The following CDKL4 variants were observed in gnomAD, a reference collection of about 807,000 sequenced individuals.
The protein encoded by CDKL4 is cyclin dependent kinase like 4.
In CDKL4, 44 loss-of-function variants were observed where a neutral mutation model predicts 42.0. That is an observed-to-expected ratio of 1.05 (90% CI 0.82 to 1.35). The LOEUF (loss-of-function observed/expected upper bound fraction) is 1.35, where lower values mean the gene tolerates loss of function less well. Among genes scored for constraint, CDKL4 ranks in the 40% most tolerant of loss-of-function variants. The pLI is 0.00. For missense variants in CDKL4, 393 were observed against 369.9 expected (o/e 1.06, Z -0.51); for synonymous variants, 120 against 121.6 (o/e 0.99, Z 0.09).
At chr2:39,238,682 T>C (rs1679492645) in intron 1 of CDKL4, among the ~76,000 whole-genome samples, 2 of 152,198 alleles carry the variant, frequency 1.3e-5, no homozygotes, top group African/African-American at 4.8e-5. Flanking sequence ...CATATATCAA[T>C]GAAACATAAT....
At chr2:39,212,685 G>A (rs537040679) in intron 4 of CDKL4, among the ~76,000 whole-genome samples, 53 of 150,656 alleles carry the variant, frequency 3.5e-4, no homozygotes, top group African/African-American at 1.3e-3. Flanking sequence ...TTGGAGACAG[G>A]GTCTCACTCT....
chr2:39,231,036 C>T (rs1445542228), intron 1 of CDKL4, among the ~76,000 whole-genome samples: 1 of 152,050 alleles, frequency 6.6e-6, no homozygotes. Context: ...ATGGTGAAAC[C>T]CTGTCTCTAC....
At chr2:39,185,847 T>A (rs1022277824) in intron 7 of CDKL4, among the ~76,000 whole-genome samples, 1 of 152,206 alleles carries the variant, frequency 6.6e-6, no homozygotes, top group Admixed American at 6.5e-5. Context: ...TTAATTTTCT[T>A]AATTTCACAA....
At chr2:39,233,572 C>T (rs1679192226) in intron 1 of CDKL4, among the ~76,000 whole-genome samples, 1 of 152,120 alleles carries the variant, frequency 6.6e-6, no homozygotes, top group Admixed American at 6.5e-5. Flanking sequence ...ACTACAGTGA[C>T]AGAAAACACT....
intron 9 of CDKL4, among the ~76,000 whole-genome samples, chr2:39,176,980 G>C (rs939767392): frequency 6.6e-6 from 1 of 152,094 alleles, no homozygotes; most frequent in African/African-American, 2.4e-5. Flanking sequence ...TTGAAGGAGA[G>C]AGCTGTTTAG....
intron 3 of CDKL4, among the ~76,000 whole-genome samples, chr2:39,219,641 G>A (rs76042829): frequency 0.042 from 6,357 of 152,066 alleles, 197 homozygotes; most frequent in African/African-American, 0.083. Context: ...GAGTGGTCTT[G>A]AACTCCTGAC....
At chr2:39,229,203 GT>G (rs1297275957) in intron 2 of CDKL4, among the ~76,000 whole-genome samples, 161 bp downstream of exon 2, 1 of 152,192 alleles carries the variant, frequency 6.6e-6, no homozygotes, top group Non-Finnish European at 1.5e-5. Context: ...CAAAATCAGA[GT>G]GGCCGAAGTC....
exon 10 of CDKL4, chr2:39,175,990 T>G (rs1675149272): frequency 2.1e-6 from 1 of 469,576 alleles, no homozygotes; most frequent in African/African-American, 2.0e-5. Flanking sequence ...TGAAAGAACA[T>G]TTTCCTAAAT....
At chr2:39,189,747 CATAA>C (rs1676063324) in intron 6 of CDKL4, among the ~76,000 whole-genome samples, 1 of 152,116 alleles carries the variant, frequency 6.6e-6, no homozygotes, top group Admixed American at 6.6e-5. Flanking sequence ...TTTCTGTGTC[CATAA>C]ATAAAGTTCT....
intron 5 of CDKL4, among the ~76,000 whole-genome samples, chr2:39,197,407 T>C (rs1676582155): frequency 6.6e-6 from 1 of 152,118 alleles, no homozygotes; most frequent in Non-Finnish European, 1.5e-5. Flanking sequence ...AAAACATATT[T>C]GAGGGAATAA....
At chr2:39,246,369 T>C (rs1319012464), upstream of CDKL4, among the ~76,000 whole-genome samples, 2 of 152,262 alleles carry the variant, frequency 1.3e-5, no homozygotes, top group Non-Finnish European at 2.9e-5. Flanking sequence ...TATCATGCTA[T>C]AGAAAAATTT....
chr2:39,225,718 G>C (rs1678666053), intron 3 of CDKL4, 121 bp downstream of exon 3: 12 of 922,164 alleles, frequency 1.3e-5, no homozygotes, highest in Non-Finnish European at 1.4e-5. Flanking sequence ...GGATGGGGTA[G>C]CCAGATGCAT....
chr2:39,178,966 T>A, intron 9 of CDKL4: 1 of 1,441,324 alleles, frequency 6.9e-7, no homozygotes, highest in Non-Finnish European at 9.1e-7. Context: ...AACGATTTGA[T>A]TCAGGTGTGT....
At chr2:39,178,960 A>G in intron 9 of CDKL4, 1 of 1,441,956 alleles carries the variant, frequency 6.9e-7, no homozygotes, top group Non-Finnish European at 9.1e-7. Context: ...TTGCGTAACG[A>G]TTTGATTCAG....
At chr2:39,209,082 C>CT (rs538077536) in intron 4 of CDKL4, among the ~76,000 whole-genome samples, 1 of 148,240 alleles carries the variant, frequency 6.7e-6, no homozygotes, top group South Asian at 2.1e-4. Context: ...GGGAGAATCG[C>CT]TTGAGGTCAG....
upstream of CDKL4, among the ~76,000 whole-genome samples, chr2:39,246,215 C>T (rs1679907329): frequency 6.6e-6 from 1 of 152,212 alleles, no homozygotes; most frequent in Non-Finnish European, 1.5e-5. Context: ...TGCTTAGATA[C>T]ATGCTGAAAT....
rs146784643 is a variant in CDKL4 at position 39,206,280 on chromosome 2, T to C, written c.364-1663A>G. ...TTTTTAGTAGAGGCTGGTTTCACCA[T>C]GTTGTTGTCCAGGCTGGTCTTGAAT... On this transcript the variant is annotated intron_variant, in intron 4 of 9. Transcript: ENST00000451199. 6.2e-3 allele frequency among the ~76,000 whole-genome samples: 936 copies of C among 152,190 alleles called. 10 individuals carry two copies. The highest frequency in any genetic ancestry group is 0.017 in the Admixed American group (264 of 15,280).
chr2:39,204,766 A>G (rs1677063131), intron 4 of CDKL4, 149 bp from the exon 5 acceptor site: 1 of 445,110 alleles, frequency 2.2e-6, no homozygotes, highest in Admixed American at 4.3e-5. Context: ...TAAATTGGCA[A>G]TTTTTCACTT....
At chr2:39,189,772 A>T (rs1357340832) in intron 6 of CDKL4, among the ~76,000 whole-genome samples, 1 of 152,256 alleles carries the variant, frequency 6.6e-6, no homozygotes, top group East Asian at 1.9e-4. Flanking sequence ...ATTGGAACAC[A>T]GCTATGCTCA....
Sources: allele counts gnomAD v4.1 joint callset (sites outside exome capture counted in the v4.1 genomes callset), GRCh38; gene constraint gnomAD v4.1.1; transcripts MANE v1.5; gene names NCBI Gene and HGNC (gene_info 2026-07-23, HGNC 2026-07-21).